SSX3: variants seen among roughly 807,000 people sequenced by gnomAD.
The protein encoded by SSX3 is protein SSX3.
A neutral mutation model predicts 14.8 loss-of-function variants in SSX3; 6 were observed. The ratio of observed to expected loss-of-function variants is 0.41; its 90% CI spans 0.22 to 0.80. The LOEUF (loss-of-function observed/expected upper bound fraction) is 0.80, where lower values mean the gene tolerates loss of function less well. Among genes scored for constraint, SSX3 ranks in the 30% least tolerant of loss-of-function variants. The pLI, the probability that SSX3 is intolerant of heterozygous loss-of-function variation, is 0.34. For synonymous variants in SSX3, 55 were observed against 52.9 expected (o/e 1.04, Z -0.18); for missense variants, 163 against 152.2 (o/e 1.07, Z -0.37).
intron 6 of SSX3, 41 bp from the exon 7 acceptor site, chrX:48,347,645 T>C: frequency 1.7e-6 from 2 of 1,208,608 alleles, no homozygotes; most frequent in Non-Finnish European, 2.2e-6. Context: ...TTGGGTAGGT[T>C]GGAGAGTGTT....
chrX:48,348,326 G>A (rs2146660796), intron 6 of SSX3: 1 of 509,026 alleles, frequency 2.0e-6, no homozygotes, highest in East Asian at 3.7e-5. Flanking sequence ...ATTGTTTTGG[G>A]GGTACCAGGA....
intron 5 of SSX3, among the ~76,000 whole-genome samples, chrX:48,351,061 G>A (rs188475911): frequency 3.6e-5 from 4 of 111,025 alleles, no homozygotes; most frequent in Admixed American, 1.9e-4. Flanking sequence ...GAGCCACCGC[G>A]CCCTGATCTT....
In SSX3 at chrX:48,354,895, C is replaced by CT. The variant is rs1165150653; in HGVS notation, c.70-150dup. The CT allele has an allele frequency of 1.0e-5, 12 of 1,192,324 alleles. No individual in the cohort carries two copies. In the Admixed American group the frequency reaches 1.6e-4, roughly 16 times the overall value. On this transcript the variant is annotated intron_variant, in intron 2 of 7. Coordinates refer to ENST00000298396, the MANE Select transcript of SSX3 (RefSeq NM_021014.4). ...GGCTAACTGACAGAACATGAGGGACCTTCCTAGCTTCACCCCTGCCACACT... is the reference window on the plus strand; with the variant it reads ...GGCTAACTGACAGAACATGAGGGACCTTTCCTAGCTTCACCCCTGCCACACT...
chrX:48,355,238 A>G lies in SSX3; in HGVS notation c.12T>C (p.Asp4=), dbSNP rs1601988540. 8.3e-7 allele frequency: 1 copy of G among 1,211,069 alleles called. No homozygotes were observed. Among genetic ancestry groups the G allele is most frequent in the Admixed American group, 2.2e-5 (1 of 45,978 alleles). The part of the protein sequence containing the change: MNG[D]DTFARRPTVG... The stretch of plus-strand genomic sequence containing the variant: ...CCGTGGGTCTCCTTGCAAAGGTGTC[A>G]TCTCCGTTCATGGCACAGGGAGTAG... Residue 4 remains aspartate (D), a synonymous_variant, in exon 2 of 8, where the codon GAT becomes GAC. Transcript: ENST00000298396.
chrX:48,349,264 T>A (rs1357477971), intron 6 of SSX3, among the ~76,000 whole-genome samples: 1 of 111,797 alleles, frequency 8.9e-6, no homozygotes, highest in Non-Finnish European at 1.9e-5. Context: ...CATTGTTGTG[T>A]TCTTTTAAGA....
chrX:48,351,167 T>A (rs1469197229), intron 5 of SSX3, among the ~76,000 whole-genome samples: 1 of 112,285 alleles, frequency 8.9e-6, no homozygotes, highest in Non-Finnish European at 1.9e-5. Context: ...GTAAACACTC[T>A]TTAAATGTAG....
intron 4 of SSX3, among the ~76,000 whole-genome samples, chrX:48,352,756 T>G (rs2061268508): frequency 8.9e-6 from 1 of 112,137 alleles, no homozygotes; most frequent in Non-Finnish European, 1.9e-5. Context: ...GTCTTATAAT[T>G]ATGTTGTCAG....
intron 3 of SSX3, among the ~76,000 whole-genome samples, chrX:48,354,316 G>A (rs1324445567): frequency 9.4e-6 from 1 of 106,782 alleles, no homozygotes; most frequent in Non-Finnish European, 1.9e-5. Flanking sequence ...GAGACAAGCC[G>A]AGAGAAGGTA....
intron 5 of SSX3, among the ~76,000 whole-genome samples, 178 bp downstream of exon 5, chrX:48,351,922 G>A (rs782797434): frequency 1.9e-4 from 21 of 112,034 alleles, no homozygotes; most frequent in Non-Finnish European, 3.8e-4. Flanking sequence ...AAACAAAAGA[G>A]GTATGAACAA....
rs189881183 is a variant in SSX3, at chrX:48,355,814, C to T, written c.-20-545G>A. Among the ~76,000 whole-genome samples, 466 of 111,513 alleles carry T rather than the reference C, an allele frequency of 4.2e-3. 4 individuals carry two copies. Among genetic ancestry groups the T allele is most frequent in the African/African-American group, 0.014 (440 of 30,659 alleles). On this transcript the variant is annotated intron_variant, in intron 1 of 7. Coordinates refer to ENST00000298396, the MANE Select transcript of SSX3 (RefSeq NM_021014.4). ...CTGGGTGATTTGTAAGTTATTAGAA[C>T]GAAGAGAGCTAGAATTTCTGAGACT...
At chrX:48,349,244 T>C (rs1484838700) in intron 6 of SSX3, among the ~76,000 whole-genome samples, 2 of 111,541 alleles carry the variant, frequency 1.8e-5, no homozygotes, top group Admixed American at 1.9e-4. Context: ...CTAATCGATG[T>C]GGCAAATTTC....
At chrX:48,349,603 G>C (rs2061253252) in intron 6 of SSX3, 1 of 1,207,324 alleles carries the variant, frequency 8.3e-7, no homozygotes, top group Admixed American at 2.2e-5. Flanking sequence ...TTGGGTAACA[G>C]GCATTGAGCT....
intron 5 of SSX3, among the ~76,000 whole-genome samples, chrX:48,350,909 T>C (rs1337117630): frequency 9.1e-6 from 1 of 109,382 alleles, no homozygotes; most frequent in African/African-American, 3.3e-5. Context: ...TATCTGGGAC[T>C]ACAGGCAGGC....
intron 2 of SSX3, 125 bp downstream of exon 2, chrX:48,355,056 A>C: frequency 8.3e-7 from 1 of 1,205,101 alleles, no homozygotes; most frequent in South Asian, 1.8e-5. Context: ...GAGGCTCCCA[A>C]GGGTCCAGAT....
chrX:48,355,214 C>T lies in SSX3; in HGVS notation c.36G>A (p.Thr12=), dbSNP rs782454909. The change falls in exon 2 of 8, where the codon ACG becomes ACA. Residue 12 remains threonine (T), a synonymous_variant. Coordinates refer to ENST00000298396, the MANE Select transcript of SSX3 (RefSeq NM_021014.4). ...TCTTCTCTGGTATTTGAGCACCAAC[C>T]GTGGGTCTCCTTGCAAAGGTGTCAT... is the stretch of plus-strand genomic sequence containing the variant. ...NGDDTFARRP[T]VGAQIPEKIQ... The T allele has an allele frequency of 1.2e-4, 145 of 1,209,696 alleles. No individual in the cohort carries two copies. The South Asian group carries it at 2.2e-3, about 19-fold the overall frequency.
chrX:48,354,826 G>C, intron 2 of SSX3, 80 bp from the exon 3 acceptor site: 1 of 1,198,740 alleles, frequency 8.3e-7, no homozygotes, highest in South Asian at 1.8e-5. Flanking sequence ...CTTCCTGTGT[G>C]CTGGATCTGG....
chrX:48,350,080 C>T lies in SSX3; in HGVS notation c.373G>A (p.Glu125Lys), dbSNP rs1394365513. 1 of 1,211,871 alleles carries T rather than the reference C, an allele frequency of 8.3e-7. No homozygotes were observed. Residue 125 changes from glutamate to lysine, a missense_variant, in exon 6 of 8, where the codon GAA (glutamate) becomes AAA (lysine). Coordinates refer to ENST00000298396, the MANE Select transcript of SSX3 (RefSeq NM_021014.4). ...TGTGGGCCAGATGCTTCTGGCACTT[C>T]CTTCGAAACATTTCCTTCCTCTGCT... is the stretch of plus-strand genomic sequence containing the variant. ...KPAEEGNVSKEVPEASGPQND... is the reference protein window; with the variant it reads ...KPAEEGNVSKKVPEASGPQND...
chrX:48,349,583 G>A (rs782818691), intron 6 of SSX3: 1 of 1,208,088 alleles, frequency 8.3e-7, no homozygotes. Flanking sequence ...ATCTCTGAAG[G>A]ACACCTGTAT....
intron 6 of SSX3, among the ~76,000 whole-genome samples, chrX:48,349,121 G>C (rs782464942): frequency 3.6e-5 from 4 of 112,489 alleles, no homozygotes; most frequent in African/African-American, 1.3e-4. Context: ...ATGCCATCTA[G>C]GACTTTCATA....
Sources: allele counts gnomAD v4.1 joint callset (sites outside exome capture counted in the v4.1 genomes callset), GRCh38; gene constraint gnomAD v4.1.1; transcripts MANE v1.5; gene names NCBI Gene and HGNC (gene_info 2026-07-23, HGNC 2026-07-21).